Variants in NDUFB6 observed in about 807,000 individuals in gnomAD.
The protein encoded by NDUFB6 is NADH dehydrogenase [ubiquinone] 1 beta subcomplex subunit 6.
In NDUFB6, 23 loss-of-function variants were observed where a neutral mutation model predicts 17.5. The observed-to-expected ratio is 1.31, with a 90% CI of 0.94 to 1.86. The LOEUF is 1.86. NDUFB6 is among the 40% of genes most tolerant of loss of function. The pLI is 0.00. For synonymous variants in NDUFB6, 60 were observed against 53.5 expected, an observed-to-expected ratio of 1.12 and a Z score of -0.53; for missense variants, 167 against 153.8, an observed-to-expected ratio of 1.09 and a Z score of -0.46.
intron 3 of NDUFB6, 112 bp downstream of exon 3, chr9:32,558,798 A>T: frequency 1.4e-6 from 1 of 724,490 alleles, no homozygotes; most frequent in Non-Finnish European, 2.2e-6. Context: ...ACAGGGACTT[A>T]AACCGAAAGT....
At chr9:32,568,607 G>A (rs1821864494) in intron 2 of NDUFB6, 1 of 173,906 alleles carries the variant, frequency 5.8e-6, no homozygotes, top group Admixed American at 6.5e-5. Flanking sequence ...GAAAATAAAA[G>A]TCAATCGATG....
At chr9:32,564,729 A>G (rs1388638377) in intron 2 of NDUFB6, among the ~76,000 whole-genome samples, 2 of 152,150 alleles carry the variant, frequency 1.3e-5, no homozygotes, top group African/African-American at 4.8e-5. Flanking sequence ...ATATTATCTG[A>G]GATGATAGTA....
At chr9:32,570,081 C>T (rs999810266) in intron 2 of NDUFB6, among the ~76,000 whole-genome samples, 2 of 152,140 alleles carry the variant, frequency 1.3e-5, no homozygotes, top group Non-Finnish European at 2.9e-5. Flanking sequence ...CAACCACATC[C>T]CAGCATTAAT....
intron 2 of NDUFB6, among the ~76,000 whole-genome samples, chr9:32,564,923 A>T (rs1821735692): frequency 1.3e-5 from 2 of 152,220 alleles, no homozygotes; most frequent in African/African-American, 4.8e-5. Context: ...GAAAAACGGC[A>T]GTTTCATGTG....
chr9:32,557,203 G>GA (rs1821486651), intron 3 of NDUFB6, among the ~76,000 whole-genome samples: 1 of 125,624 alleles, frequency 8.0e-6, no homozygotes, highest in Non-Finnish European at 1.6e-5. Context: ...CTCACTCTGT[G>GA]ACCCAGGCTG....
chr9:32,560,999 C>A (rs1474691700), intron 2 of NDUFB6, among the ~76,000 whole-genome samples: 2 of 152,196 alleles, frequency 1.3e-5, no homozygotes, highest in African/African-American at 2.4e-5. Flanking sequence ...AATATATTTT[C>A]TTCTCTAGGG....
chr9:32,566,652 T>A, intron 2 of NDUFB6: 1 of 800,852 alleles, frequency 1.2e-6, no homozygotes, highest in Non-Finnish European at 2.3e-6. Flanking sequence ...GGAGCTCACC[T>A]CTCTCAGGTA....
At chr9:32,566,588 G>A in intron 2 of NDUFB6, 1 of 784,388 alleles carries the variant, frequency 1.3e-6, no homozygotes, top group Non-Finnish European at 2.4e-6. Context: ...GGCACATGGA[G>A]CGGAGGACCC....
At chr9:32,568,329 G>C (rs34955317) in intron 2 of NDUFB6, 21,587 of 198,964 alleles carry the variant, frequency 0.11, 1,455 homozygotes, top group Middle Eastern at 0.27. Flanking sequence ...TGTGACTGAA[G>C]TGCCTCCATC....
chr9:32,557,744 TG>T (rs977789139), intron 3 of NDUFB6, among the ~76,000 whole-genome samples: 1 of 152,138 alleles, frequency 6.6e-6, no homozygotes, highest in Non-Finnish European at 1.5e-5. Flanking sequence ...CCCAAAGTGC[TG>T]GGATTACACG....
At chr9:32,565,162 G>A (rs943667133) in intron 2 of NDUFB6, among the ~76,000 whole-genome samples, 4 of 151,936 alleles carry the variant, frequency 2.6e-5, no homozygotes, top group Admixed American at 6.6e-5. Flanking sequence ...CCATGGTGGC[G>A]GACACCTGTA....
intron 2 of NDUFB6, chr9:32,566,043 G>GT (rs1283058090): frequency 1.1e-5 from 4 of 359,934 alleles, no homozygotes; most frequent in East Asian, 4.9e-5. Context: ...ATTTTTTAAG[G>GT]TTTTTTCCAG....
chr9:32,563,054 G>C (rs1024256671), intron 2 of NDUFB6, among the ~76,000 whole-genome samples: 2 of 152,104 alleles, frequency 1.3e-5, no homozygotes, highest in Non-Finnish European at 2.9e-5. Flanking sequence ...CTCAGTTTGG[G>C]TTTATCTTCT....
chr9:32,568,278 G>A (rs1360577254), intron 2 of NDUFB6: 1 of 180,622 alleles, frequency 5.5e-6, no homozygotes, highest in African/African-American at 2.4e-5. Context: ...CGATGTAGTG[G>A]ATATAGCAAA....
chr9:32,555,074 T>C (rs1329050338), intron 3 of NDUFB6, among the ~76,000 whole-genome samples: 1 of 151,018 alleles, frequency 6.6e-6, no homozygotes, highest in Non-Finnish European at 1.5e-5. Flanking sequence ...TGGTGCACGC[T>C]AGAGACTTTC....
At chr9:32,556,891 G>C (rs970985273) in intron 3 of NDUFB6, among the ~76,000 whole-genome samples, 1 of 124,776 alleles carries the variant, frequency 8.0e-6, no homozygotes, top group African/African-American at 3.1e-5. Context: ...GTGCTCTGTC[G>C]CTAAGGCTGG....
At chr9:32,571,425 T>C (rs1424409769) in intron 1 of NDUFB6, among the ~76,000 whole-genome samples, 2 of 152,204 alleles carry the variant, frequency 1.3e-5, no homozygotes, top group Non-Finnish European at 2.9e-5. Context: ...CCTACAGAAT[T>C]TTTCAGGTAT....
intron 3 of NDUFB6, among the ~76,000 whole-genome samples, chr9:32,555,879 T>C (rs1821441739): frequency 6.6e-6 from 1 of 152,222 alleles, no homozygotes; most frequent in Admixed American, 6.5e-5. Flanking sequence ...TTCAAGTAAT[T>C]TCTCACACAC....
At chr9:32,561,093 C>G (rs897600276) in intron 2 of NDUFB6, among the ~76,000 whole-genome samples, 1 of 152,050 alleles carries the variant, frequency 6.6e-6, no homozygotes, top group African/African-American at 2.4e-5. Flanking sequence ...TTTTTAAAGC[C>G]CATCAACAAC....
Sources: allele counts gnomAD v4.1 joint callset (sites outside exome capture counted in the v4.1 genomes callset), GRCh38; gene constraint gnomAD v4.1.1; transcripts MANE v1.5; gene names NCBI Gene and HGNC (gene_info 2026-07-23, HGNC 2026-07-21).